The following FCHSD2 variants were observed in gnomAD, a reference collection of about 807,000 sequenced individuals.
FCHSD2 encodes the protein F-BAR and double SH3 domains protein 2.
FCHSD2 carries 38 observed loss-of-function variants against 108.1 expected under a neutral mutation model. The observed-to-expected ratio is 0.35, with a 90% confidence interval of 0.27 to 0.46. The LOEUF (loss-of-function observed/expected upper bound fraction) is 0.46, where lower values mean the gene tolerates loss of function less well. Among genes scored for constraint, FCHSD2 ranks in the 20% least tolerant of loss-of-function variants. The pLI is 1.00. For synonymous variants in FCHSD2, 279 were observed against 314.7 expected (o/e 0.89, Z 1.20); for missense variants, 751 against 897.8 (o/e 0.84, Z 2.09).
chr11:72,957,972 A>G (rs1856747176), intron 8 of FCHSD2, among the ~76,000 whole-genome samples: 2 of 152,216 alleles, frequency 1.3e-5, no homozygotes, highest in African/African-American at 4.8e-5. Context: ...ATAAAAACCT[A>G]TTCTTCATTT....
intron 3 of FCHSD2, among the ~76,000 whole-genome samples, chr11:73,034,498 G>C (rs1023984153): frequency 1.1e-4 from 16 of 152,308 alleles, no homozygotes; most frequent in African/African-American, 3.8e-4. Flanking sequence ...TTCGGTACCA[G>C]AGGCTGAGCC....
chr11:72,855,311 C>A (rs1200799793), intron 13 of FCHSD2, among the ~76,000 whole-genome samples: 1 of 150,388 alleles, frequency 6.6e-6, no homozygotes, highest in Non-Finnish European at 1.5e-5. Context: ...AACAAACAAA[C>A]AAAAAAGACC....
At chr11:73,052,442 C>T (rs554496698) in intron 3 of FCHSD2, among the ~76,000 whole-genome samples, 35 of 151,996 alleles carry the variant, frequency 2.3e-4, no homozygotes, top group East Asian at 1.9e-3. Context: ...CTAAACAGTA[C>T]GTTTAGTGAC....
intron 13 of FCHSD2, among the ~76,000 whole-genome samples, chr11:72,852,160 A>T (rs1043354008): frequency 1.3e-5 from 2 of 151,986 alleles, no homozygotes; most frequent in African/African-American, 4.8e-5. Flanking sequence ...AATTGCTAAG[A>T]TTATAGGAGT....
intron 2 of FCHSD2, among the ~76,000 whole-genome samples, chr11:73,104,359 C>T (rs990111000): frequency 6.6e-6 from 1 of 152,132 alleles, no homozygotes; most frequent in Admixed American, 6.5e-5. Flanking sequence ...CTCTGCCTCC[C>T]AGGTTCAAGC....
intron 8 of FCHSD2, among the ~76,000 whole-genome samples, chr11:72,947,991 A>G (rs1286206229): frequency 2.0e-5 from 3 of 152,184 alleles, no homozygotes; most frequent in Non-Finnish European, 4.4e-5. Flanking sequence ...TGGGTATCAT[A>G]CATTTTTTGT....
intron 13 of FCHSD2, among the ~76,000 whole-genome samples, chr11:72,858,808 G>C (rs572927269): frequency 6.6e-6 from 1 of 152,222 alleles, no homozygotes; most frequent in South Asian, 2.1e-4. Flanking sequence ...TCAGGAAAAT[G>C]GATTTGTGCT....
chr11:73,087,200 C>CA (rs1320322717), intron 2 of FCHSD2, among the ~76,000 whole-genome samples: 4 of 150,366 alleles, frequency 2.7e-5, no homozygotes, highest in African/African-American at 7.3e-5. Flanking sequence ...TTGTTTTTGA[C>CA]AAAAAAATTT....
intron 2 of FCHSD2, among the ~76,000 whole-genome samples, chr11:73,132,824 G>GAAAA (rs35412486): frequency 3.6e-5 from 4 of 110,948 alleles, no homozygotes; most frequent in Non-Finnish European, 5.1e-5. Flanking sequence ...AACGGTAACA[G>GAAAA]AAAAAAAAAA....
chr11:73,106,189 C>CT lies in FCHSD2; in HGVS notation c.120-22450dup, dbSNP rs1218828468. On this transcript the variant is annotated intron_variant, in intron 2 of 19. Coordinates refer to ENST00000409418, the MANE Select transcript of FCHSD2 (RefSeq NM_014824.3). ...GGGGAGAAACATAAAAGGAGGACTG[C>CT]TTTGGCCAAGGAGTTCGAGACCAGC... Among the ~76,000 whole-genome samples, 5 of 152,102 alleles carry CT rather than the reference C, an allele frequency of 3.3e-5. No homozygotes were observed. In the East Asian group the frequency reaches 9.6e-4, roughly 29 times the overall value.
chr11:73,141,986 A>T lies in FCHSD2; in HGVS notation c.-109T>A. The T allele has an allele frequency of 8.8e-7, 1 of 1,136,096 alleles. No individual in the cohort carries two copies. The highest frequency in any genetic ancestry group is 1.2e-6 in the Non-Finnish European group (1 of 802,652). The allele number at this position is 1,136,096 out of a possible 1,614,324, so 70.4% of individuals were successfully genotyped here. A position where few individuals can be genotyped will look rare whatever the true frequency, so the allele number is the denominator to read the frequency against. On this transcript the variant is annotated 5_prime_UTR_variant, in exon 1 of 20. Coordinates refer to ENST00000409418, the MANE Select transcript of FCHSD2 (RefSeq NM_014824.3). ...CCCAGCGAGCGCGCGCGTGTGTGAA[A>T]GGAGCGCTTAAGAAGCAAGACTTGC...
chr11:72,885,369 T>C (rs967352942), intron 12 of FCHSD2, among the ~76,000 whole-genome samples: 1 of 152,214 alleles, frequency 6.6e-6, no homozygotes, highest in African/African-American at 2.4e-5. Context: ...TTTGAGAATG[T>C]AGACTTAAAT....
chr11:73,092,310 T>G (rs568998199), intron 2 of FCHSD2, among the ~76,000 whole-genome samples: 46 of 142,200 alleles, frequency 3.2e-4, no homozygotes, highest in South Asian at 4.4e-4. Context: ...TAAGTTTTTG[T>G]TTTTTTTTTT....
chr11:72,899,656 G>C (rs1229318535), intron 10 of FCHSD2, among the ~76,000 whole-genome samples: 6 of 145,732 alleles, frequency 4.1e-5, no homozygotes, highest in Non-Finnish European at 9.0e-5. Context: ...AGGACTGCTC[G>C]AGCCCAGGAG....
chr11:73,071,881 A>G (rs1194808794), intron 3 of FCHSD2, among the ~76,000 whole-genome samples: 1 of 152,194 alleles, frequency 6.6e-6, no homozygotes, highest in Admixed American at 6.5e-5. Context: ...AAGTGCTTAG[A>G]ACAGTGCCTG....
chr11:73,094,722 G>C (rs1860036550), intron 2 of FCHSD2, among the ~76,000 whole-genome samples: 1 of 152,066 alleles, frequency 6.6e-6, no homozygotes, highest in African/African-American at 2.4e-5. Flanking sequence ...GGGAACTAGT[G>C]CTTTTATTAT....
At chr11:72,929,937 A>C (rs1323588111) in intron 8 of FCHSD2, among the ~76,000 whole-genome samples, 1 of 152,206 alleles carries the variant, frequency 6.6e-6, no homozygotes, top group Non-Finnish European at 1.5e-5. Context: ...AATCAAACTG[A>C]GAAGGGTCTG....
At chr11:73,059,712 TTTTC>T (rs965591846) in intron 3 of FCHSD2, among the ~76,000 whole-genome samples, 2 of 151,596 alleles carry the variant, frequency 1.3e-5, no homozygotes, top group African/African-American at 4.8e-5. Context: ...TTCTGTGAGG[TTTTC>T]TTTCTTTTTT....
intron 4 of FCHSD2, among the ~76,000 whole-genome samples, chr11:73,009,961 G>T (rs1857826702): frequency 6.6e-6 from 1 of 152,122 alleles, no homozygotes; most frequent in South Asian, 2.1e-4. Context: ...GACTTGGGAA[G>T]TTTTTGTCTA....
Sources: gnomAD v4.1 joint callset for allele counts (sites outside exome capture counted in the v4.1 genomes callset) on GRCh38, gnomAD v4.1.1 for gene constraint, MANE v1.5 for transcripts, NCBI Gene and HGNC (gene_info 2026-07-23, HGNC 2026-07-21) for gene names.